The following ROBO2 variants were observed in gnomAD, a reference collection of about 807,000 sequenced individuals.
ROBO2 encodes the protein roundabout homolog 2.
Under a neutral mutation model 160.8 loss-of-function variants are expected in ROBO2, and 53 were observed. That is an observed-to-expected ratio of 0.33 (90% CI 0.26 to 0.41). The LOEUF is 0.41. ROBO2 is among the 10% of genes least tolerant of loss of function. The pLI is 1.00. For synonymous variants in ROBO2, 664 were observed against 611.7 expected, an observed-to-expected ratio of 1.09 and a Z score of -1.26; for missense variants, 1,577 against 1,722.4, an observed-to-expected ratio of 0.92 and a Z score of 1.49.
intron 2 of ROBO2, among the ~76,000 whole-genome samples, chr3:77,143,145 C>T (rs1021760699): frequency 6.7e-6 from 1 of 148,968 alleles, no homozygotes; most frequent in Non-Finnish European, 1.5e-5. Flanking sequence ...TGCAATTTAC[C>T]TACCAGACAC....
At chr3:76,803,369 G>A (rs186321156) in intron 2 of ROBO2, among the ~76,000 whole-genome samples, 13 of 149,920 alleles carry the variant, frequency 8.7e-5, no homozygotes, top group African/African-American at 2.5e-4. Context: ...AGGAGGAAGA[G>A]GAGGAGGAGG....
intron 23 of ROBO2, among the ~76,000 whole-genome samples, chr3:77,626,746 A>C (rs1448664489): frequency 6.6e-6 from 1 of 152,232 alleles, no homozygotes; most frequent in Non-Finnish European, 1.5e-5. Flanking sequence ...CAGTGATCAC[A>C]AAAAGGAAGA....
At chr3:75,996,606 G>A (rs894331736) in intron 2 of ROBO2, among the ~76,000 whole-genome samples, 27 of 152,154 alleles carry the variant, frequency 1.8e-4, no homozygotes, top group Non-Finnish European at 3.8e-4. Flanking sequence ...ATCATAAGAT[G>A]CATAAGATTC....
chr3:76,261,676 G>A (rs1706774825), intron 2 of ROBO2, among the ~76,000 whole-genome samples: 1 of 151,852 alleles, frequency 6.6e-6, no homozygotes, highest in South Asian at 2.1e-4. Flanking sequence ...GTACTATTTG[G>A]TGCTATATTA....
intron 2 of ROBO2, among the ~76,000 whole-genome samples, chr3:76,877,302 A>C (rs35209493): frequency 0.16 from 23,831 of 152,214 alleles, 2,191 homozygotes; most frequent in South Asian, 0.24. Flanking sequence ...GTACGCAAAC[A>C]GTACACACCT....
intron 2 of ROBO2, among the ~76,000 whole-genome samples, chr3:76,566,729 G>A (rs1487226830): frequency 6.6e-6 from 1 of 151,914 alleles, no homozygotes; most frequent in Non-Finnish European, 1.5e-5. Context: ...AAAGAAGGGT[G>A]GAGAGGAAGA....
At chr3:76,638,744 C>A (rs911142777) in intron 2 of ROBO2, among the ~76,000 whole-genome samples, 4 of 152,026 alleles carry the variant, frequency 2.6e-5, no homozygotes, top group African/African-American at 9.7e-5. Flanking sequence ...TGTCTGCTAT[C>A]ATCTTTTAAC....
rs2091935900 is a variant in ROBO2, at chr3:76,664,232, A to G, written c.110-433782A>G. ...AATTGTCTAATTAGAGAAAAGATGA[A>G]GGTCTGATGTTGGGTAGTGACCAGT... On this transcript the variant is annotated intron_variant, in intron 2 of 26. Transcript: ENST00000487694. 3.3e-5 allele frequency among the ~76,000 whole-genome samples: 5 copies of G among 152,290 alleles called. No homozygotes were observed. The Middle Eastern group carries it at 0.01, about 311-fold the overall frequency.
At chr3:76,451,290 A>C (rs1331523022) in intron 2 of ROBO2, among the ~76,000 whole-genome samples, 2 of 152,168 alleles carry the variant, frequency 1.3e-5, no homozygotes, top group Non-Finnish European at 2.9e-5. Context: ...TTACATGAAC[A>C]CAAACAGCAT....
chr3:76,884,186 A>G (rs2073648841), intron 2 of ROBO2, among the ~76,000 whole-genome samples: 1 of 152,224 alleles, frequency 6.6e-6, no homozygotes, highest in Admixed American at 6.5e-5. Context: ...TTTATAATGT[A>G]ACAGTTACAA....
At chr3:76,934,545 G>C (rs1196073310) in intron 2 of ROBO2, among the ~76,000 whole-genome samples, 1 of 152,022 alleles carries the variant, frequency 6.6e-6, no homozygotes, top group African/African-American at 2.4e-5. Flanking sequence ...GATCGATCGA[G>C]ACCGTCCTGG....
chr3:77,042,042 G>A (rs1486262846), intron 1 of ROBO2, among the ~76,000 whole-genome samples: 1 of 152,038 alleles, frequency 6.6e-6, no homozygotes, highest in Non-Finnish European at 1.5e-5. Flanking sequence ...CCAATGTATT[G>A]GACTCAAAAA....
intron 2 of ROBO2, among the ~76,000 whole-genome samples, chr3:77,367,236 G>A (rs368179626): frequency 1.3e-5 from 2 of 152,170 alleles, no homozygotes; most frequent in South Asian, 2.1e-4. Flanking sequence ...TTAAGCCAGA[G>A]ATATGCACAT....
chr3:77,610,893 G>A (rs1377325464), intron 21 of ROBO2, among the ~76,000 whole-genome samples: 1 of 151,714 alleles, frequency 6.6e-6, no homozygotes, highest in African/African-American at 2.4e-5. Flanking sequence ...TGTTGTTTTG[G>A]TTATTCCTAA....
intron 2 of ROBO2, among the ~76,000 whole-genome samples, chr3:76,297,767 C>G (rs2107727791): frequency 6.9e-6 from 1 of 144,950 alleles, no homozygotes; most frequent in African/African-American, 2.6e-5. Flanking sequence ...ATTTAATTCC[C>G]AAAGGAAACT....
intron 2 of ROBO2, among the ~76,000 whole-genome samples, chr3:76,039,927 C>A (rs2067229414): frequency 6.6e-6 from 1 of 151,914 alleles, no homozygotes; most frequent in Admixed American, 6.6e-5. Context: ...CCTGTGGTTC[C>A]TTTGAATTCT....
intron 2 of ROBO2, among the ~76,000 whole-genome samples, chr3:77,395,571 T>C (rs904723158): frequency 6.6e-6 from 1 of 152,212 alleles, no homozygotes; most frequent in Non-Finnish European, 1.5e-5. Flanking sequence ...AGGTCCAGCC[T>C]GATATTAAGT....
At chr3:77,253,142 C>T (rs1001239856) in intron 2 of ROBO2, among the ~76,000 whole-genome samples, 3 of 151,970 alleles carry the variant, frequency 2.0e-5, no homozygotes, top group African/African-American at 7.2e-5. Flanking sequence ...CTGTCAGATG[C>T]TCATATCTGA....
intron 2 of ROBO2, among the ~76,000 whole-genome samples, chr3:76,252,298 CA>C (rs911406926): frequency 4.6e-5 from 7 of 151,958 alleles, no homozygotes; most frequent in African/African-American, 1.7e-4. Context: ...GGTTCATTTC[CA>C]AATGATCAAC....
Sources: gnomAD v4.1 joint callset for allele counts (sites outside exome capture counted in the v4.1 genomes callset) on GRCh38, gnomAD v4.1.1 for gene constraint, MANE v1.5 for transcripts, NCBI Gene and HGNC (gene_info 2026-07-23, HGNC 2026-07-21) for gene names.